Variants in ENPP2 observed in about 807,000 individuals in gnomAD.
ENPP2 encodes ectonucleotide pyrophosphatase/phosphodiesterase 2, also known as autotaxin.
ENPP2 carries 51 observed loss-of-function variants against 120.2 expected under a neutral mutation model. That is an observed-to-expected ratio of 0.42 (90% CI 0.34 to 0.54). The LOEUF (loss-of-function observed/expected upper bound fraction) is 0.54. Among genes scored for constraint, ENPP2 ranks in the 20% least tolerant of loss-of-function variants. The probability of loss-of-function intolerance (pLI) is 0.04; values close to 1 mark genes in which losing one functional copy is unlikely to be tolerated. For missense variants in ENPP2, 920 were observed against 1,066.5 expected (o/e 0.86, Z 1.91); for synonymous variants, 365 against 366.4 (o/e 1.00, Z 0.04).
intron 19 of ENPP2, among the ~76,000 whole-genome samples, chr8:119,576,262 C>T (rs1447204139): frequency 6.6e-5 from 10 of 152,170 alleles, no homozygotes; most frequent in Non-Finnish European, 8.8e-5. Flanking sequence ...CCCAGTCTCC[C>T]TAGTAGCTGG....
chr8:119,621,066 T>C (rs534587839), intron 4 of ENPP2, among the ~76,000 whole-genome samples: 28 of 152,350 alleles, frequency 1.8e-4, no homozygotes, highest in African/African-American at 6.7e-4. Flanking sequence ...AGTATATCCG[T>C]TTCCTCAATA....
chr8:119,583,856 C>A (rs778363813), intron 16 of ENPP2, 52 bp from the exon 17 acceptor site: 5 of 1,398,554 alleles, frequency 3.6e-6, no homozygotes, highest in Non-Finnish European at 4.0e-6. Flanking sequence ...AGGTAGGAAC[C>A]CTTCCTCTAT....
chr8:119,583,048 G>A (rs13276659), intron 17 of ENPP2, among the ~76,000 whole-genome samples: 4 of 152,156 alleles, frequency 2.6e-5, no homozygotes, highest in Non-Finnish European at 4.4e-5. Context: ...ACAGAAGTGT[G>A]GGGACATGAG....
At chr8:119,671,061 C>A (rs1818228278) in intron 1 of ENPP2, among the ~76,000 whole-genome samples, 2 of 146,564 alleles carry the variant, frequency 1.4e-5, no homozygotes, top group African/African-American at 5.1e-5. Flanking sequence ...CCGAGGCAGG[C>A]AGATCACTTG....
rs143641618 is a variant in ENPP2, at chr8:119,564,816, C to T, written c.2264+7G>A. On this transcript the variant is annotated splice_region_variant and intron_variant, in intron 23 of 24. Transcript: ENST00000075322. ...AATCACACACTGAGTAGAAATGAAA[C>T]GCTTACTGTTTTATTTTGTCTTCTG... is the stretch of plus-strand genomic sequence containing the variant. 14,841 of 1,610,042 alleles carry T rather than the reference C, an allele frequency of 9.2e-3. 93 individuals are homozygous for T. The highest frequency in any genetic ancestry group is 0.011 in the Non-Finnish European group (13,440 of 1,178,308).
chr8:119,595,974 G>T, intron 11 of ENPP2: 1 of 1,613,908 alleles, frequency 6.2e-7, no homozygotes, highest in Non-Finnish European at 8.5e-7. Flanking sequence ...TCTCTTAGCC[G>T]GAGTAAAAGG....
At chr8:119,616,647 A>G (rs1395193087) in intron 7 of ENPP2, among the ~76,000 whole-genome samples, 1 of 152,176 alleles carries the variant, frequency 6.6e-6, no homozygotes, top group Non-Finnish European at 1.5e-5. Flanking sequence ...ATTTAAGAAG[A>G]TGACAATAAT....
intron 23 of ENPP2, among the ~76,000 whole-genome samples, chr8:119,564,257 G>A (rs1448101823): frequency 1.3e-5 from 2 of 152,088 alleles, no homozygotes; most frequent in African/African-American, 4.8e-5. Context: ...TTGAAGAGCT[G>A]TTGAAGAAAT....
intron 3 of ENPP2, among the ~76,000 whole-genome samples, chr8:119,623,548 A>G (rs1816057169): frequency 6.6e-6 from 1 of 152,116 alleles, no homozygotes; most frequent in Non-Finnish European, 1.5e-5. Context: ...TAGCCAGAAA[A>G]CCATGCAATT....
chr8:119,608,649 G>A (rs1303623705), intron 8 of ENPP2, among the ~76,000 whole-genome samples: 1 of 152,182 alleles, frequency 6.6e-6, no homozygotes, highest in Non-Finnish European at 1.5e-5. Flanking sequence ...CCTGGGCTCT[G>A]CAATCAGACA....
chr8:119,622,998 C>T (rs1816012561), intron 3 of ENPP2, among the ~76,000 whole-genome samples: 1 of 152,046 alleles, frequency 6.6e-6, no homozygotes, highest in South Asian at 2.1e-4. Context: ...GGTGCTACTC[C>T]AGGAAGTAGA....
chr8:119,626,200 T>C (rs1210159146), intron 3 of ENPP2, among the ~76,000 whole-genome samples: 6 of 151,810 alleles, frequency 4.0e-5, no homozygotes, highest in African/African-American at 1.5e-4. Context: ...TCTTAATAAA[T>C]AAATAAGTAA....
chr8:119,601,320 C>T, intron 10 of ENPP2, 77 bp downstream of exon 10: 2 of 1,003,268 alleles, frequency 2.0e-6, no homozygotes, highest in Non-Finnish European at 1.6e-6. Flanking sequence ...TGCTTCTATT[C>T]CACAGTCTAG....
intron 5 of ENPP2, among the ~76,000 whole-genome samples, chr8:119,618,893 C>A (rs1432822493): frequency 6.6e-6 from 1 of 152,018 alleles, no homozygotes; most frequent in Non-Finnish European, 1.5e-5. Flanking sequence ...ATTCCCCACT[C>A]CCCGCAAAGT....
intron 9 of ENPP2, 23 bp from the exon 10 acceptor site, chr8:119,601,485 G>A: frequency 1.2e-6 from 2 of 1,603,732 alleles, no homozygotes; most frequent in African/African-American, 1.3e-5. Context: ...AGCAAGCAAA[G>A]CATGTTGTTA....
intron 17 of ENPP2, among the ~76,000 whole-genome samples, chr8:119,583,142 T>C (rs1018492948): frequency 1.3e-5 from 2 of 152,108 alleles, no homozygotes; most frequent in Non-Finnish European, 2.9e-5. Flanking sequence ...CAAGTGCGTA[T>C]TCAGTAACTT....
intron 10 of ENPP2, among the ~76,000 whole-genome samples, chr8:119,601,067 AAAC>A (rs1309700358): frequency 2.0e-5 from 3 of 152,180 alleles, no homozygotes; most frequent in Admixed American, 6.5e-5. Context: ...CTGCAGCCTG[AAAC>A]AACAACTAAC....
chr8:119,638,426 T>G lies in ENPP2; in HGVS notation c.135A>C (p.Thr45=), dbSNP rs1266502538. 1 of 1,524,346 alleles carries G rather than the reference T, an allele frequency of 6.6e-7. No homozygotes were observed. The highest frequency in any genetic ancestry group is 1.7e-5 in the Admixed American group (1 of 59,856). 94.4% of individuals were successfully genotyped at this position (1,524,346 alleles called of 1,614,324 possible). Reference sequence around the variant, plus strand: ...AATGCAAATAGTTTTGACACTTACCTGTAGGAGGACCTTCCTCCCATCCTT... The same window carrying G: ...AATGCAAATAGTTTTGACACTTACCGGTAGGAGGACCTTCCTCCCATCCTT... ...RAEGWEEGPP[T]VLSDSPWTNI... Residue 45 remains threonine, a splice_region_variant and synonymous_variant, in exon 2 of 25, where the codon ACA becomes ACC. Coordinates refer to ENST00000075322, the MANE Select transcript of ENPP2 (RefSeq NM_001040092.3).
intron 1 of ENPP2, among the ~76,000 whole-genome samples, chr8:119,664,647 A>G (rs1818018639): frequency 6.6e-6 from 1 of 152,196 alleles, no homozygotes; most frequent in Non-Finnish European, 1.5e-5. Flanking sequence ...TGGCTTACAC[A>G]ATGAAATGTA....
Sources: gnomAD v4.1 joint callset for allele counts (sites outside exome capture counted in the v4.1 genomes callset) on GRCh38, gnomAD v4.1.1 for gene constraint, MANE v1.5 for transcripts, NCBI Gene and HGNC (gene_info 2026-07-23, HGNC 2026-07-21) for gene names.